The following CDH8 variants were observed in gnomAD, a reference collection of about 807,000 sequenced individuals.
CDH8 encodes cadherin-8.
Under a neutral mutation model 68.1 loss-of-function variants are expected in CDH8, and 17 were observed. The ratio of observed to expected loss-of-function variants is 0.25; its 90% CI spans 0.17 to 0.37. CDH8 has a LOEUF of 0.37. Among genes scored for constraint, CDH8 ranks in the 10% least tolerant of loss-of-function variants. The pLI, the probability that CDH8 is intolerant of heterozygous loss-of-function variation, is 1.00. For synonymous variants in CDH8, 372 were observed against 365.1 expected (o/e 1.02, Z -0.21); for missense variants, 763 against 999.3 (o/e 0.76, Z 3.19).
chr16:61,811,160 A>G (rs1961939397), intron 7 of CDH8, among the ~76,000 whole-genome samples: 1 of 152,148 alleles, frequency 6.6e-6, no homozygotes, highest in Non-Finnish European at 1.5e-5. Flanking sequence ...TCTTGACAAA[A>G]TGTAGGTTCA....
At chr16:61,911,935 G>T (rs896480112) in intron 2 of CDH8, among the ~76,000 whole-genome samples, 1 of 152,070 alleles carries the variant, frequency 6.6e-6, no homozygotes, top group Non-Finnish European at 1.5e-5. Context: ...CTGTCAAAAA[G>T]TGTGAAATCC....
chr16:61,947,374 C>A (rs779642113), intron 2 of CDH8, among the ~76,000 whole-genome samples: 9 of 152,170 alleles, frequency 5.9e-5, no homozygotes, highest in Non-Finnish European at 1.2e-4. Context: ...CTATACCATT[C>A]AGGGATAGAT....
intron 2 of CDH8, among the ~76,000 whole-genome samples, chr16:62,001,578 C>T (rs979956256): frequency 2.0e-5 from 3 of 152,186 alleles, no homozygotes; most frequent in African/African-American, 7.2e-5. Context: ...TAGCGATCTT[C>T]TCCCTTCCTG....
chr16:61,784,507 T>G (rs1448138470), intron 8 of CDH8, among the ~76,000 whole-genome samples: 1 of 147,574 alleles, frequency 6.8e-6, no homozygotes. Context: ...AACACCCCAC[T>G]GTCAACATTA....
chr16:61,949,337 C>G (rs1212794342), intron 2 of CDH8, among the ~76,000 whole-genome samples: 1 of 152,034 alleles, frequency 6.6e-6, no homozygotes, highest in Non-Finnish European at 1.5e-5. Flanking sequence ...GTAAATGCAC[C>G]AATCAGCACT....
At chr16:62,019,345 A>G (rs1053716193) in intron 2 of CDH8, among the ~76,000 whole-genome samples, 16 of 152,338 alleles carry the variant, frequency 1.1e-4, no homozygotes, top group African/African-American at 3.6e-4. Context: ...AACAGGATTC[A>G]AACTCAGGCA....
chr16:61,989,555 T>G (rs1965682848), intron 2 of CDH8, among the ~76,000 whole-genome samples: 1 of 152,210 alleles, frequency 6.6e-6, no homozygotes, highest in Non-Finnish European at 1.5e-5. Flanking sequence ...TCAAGTCTCC[T>G]GGAACATGTT....
intron 8 of CDH8, among the ~76,000 whole-genome samples, chr16:61,762,240 G>T (rs1583000): frequency 0.13 from 20,413 of 152,000 alleles, 1,709 homozygotes; most frequent in Middle Eastern, 0.21. Flanking sequence ...GGACAATTGG[G>T]GCTATCTGAA....
intron 8 of CDH8, among the ~76,000 whole-genome samples, chr16:61,738,712 G>A (rs971162634): frequency 7.2e-5 from 11 of 152,054 alleles, no homozygotes; most frequent in East Asian, 1.9e-4. Flanking sequence ...TTTATAATGC[G>A]TCCTACTTTT....
intron 2 of CDH8, among the ~76,000 whole-genome samples, chr16:62,018,624 T>C (rs1187035276): frequency 6.6e-6 from 1 of 152,216 alleles, no homozygotes; most frequent in Non-Finnish European, 1.5e-5. Flanking sequence ...ACTGTCATAA[T>C]TCAGGAGCAT....
intron 10 of CDH8, among the ~76,000 whole-genome samples, chr16:61,687,429 A>G (rs2142820680): frequency 6.6e-6 from 1 of 152,100 alleles, no homozygotes; most frequent in Admixed American, 6.6e-5. Context: ...CTACTTTTCT[A>G]AAAGCCATTC....
intron 10 of CDH8, among the ~76,000 whole-genome samples, chr16:61,711,445 T>G (rs2142865520): frequency 6.6e-6 from 1 of 152,016 alleles, no homozygotes; most frequent in Non-Finnish European, 1.5e-5. Context: ...TAACTCATAC[T>G]GCTCTCAGTA....
intron 7 of CDH8, among the ~76,000 whole-genome samples, chr16:61,792,572 T>G (rs1048926393): frequency 6.6e-6 from 1 of 152,012 alleles, no homozygotes; most frequent in African/African-American, 2.4e-5. Context: ...CCTTCTTTTC[T>G]TGGTTTCTTA....
At chr16:61,867,938 C>T (rs1231121998) in intron 3 of CDH8, among the ~76,000 whole-genome samples, 1 of 152,158 alleles carries the variant, frequency 6.6e-6, no homozygotes, top group Non-Finnish European at 1.5e-5. Context: ...CTTATTCTCT[C>T]AACTTTCCCC....
chr16:61,979,176 C>A (rs1392098037), intron 2 of CDH8, among the ~76,000 whole-genome samples: 2 of 151,980 alleles, frequency 1.3e-5, no homozygotes. Flanking sequence ...TGGCTACTGA[C>A]AATGCACATT....
intron 8 of CDH8, among the ~76,000 whole-genome samples, chr16:61,738,819 G>A (rs1005399936): frequency 6.6e-6 from 1 of 152,070 alleles, no homozygotes; most frequent in African/African-American, 2.4e-5. Flanking sequence ...GCGTGTGTAT[G>A]TGTGTGTGCA....
chr16:61,810,152 T>G (rs747954913), intron 7 of CDH8, among the ~76,000 whole-genome samples: 1 of 152,188 alleles, frequency 6.6e-6, no homozygotes, highest in Non-Finnish European at 1.5e-5. Flanking sequence ...ACCCCTTAGT[T>G]ATGAATCAGT....
chr16:61,790,206 G>T (rs900380294), intron 7 of CDH8, among the ~76,000 whole-genome samples: 2 of 151,928 alleles, frequency 1.3e-5, no homozygotes, highest in African/African-American at 4.8e-5. Context: ...AAGCAAACTC[G>T]TTCAGATAAG....
In CDH8 at chr16:61,651,527, GT is replaced by G. The variant is rs1963323902; in HGVS notation, c.*2080del. 6.6e-6 allele frequency: 1 copy of G among 152,098 alleles called. No homozygotes were observed. The highest frequency in any genetic ancestry group is 2.4e-5 in the African/African-American group (1 of 41,414). 9.4% of individuals were successfully genotyped at this position (152,098 alleles called of 1,614,324 possible). On this transcript the variant is annotated 3_prime_UTR_variant, in exon 12 of 12. Coordinates refer to ENST00000577390, the MANE Select transcript of CDH8 (RefSeq NM_001796.5). ...GCGTTCAGCTTTTGAGTCAAAAACC[GT>G]TCTCTTCTTAGCAGCCCCGCACCAA...
Sources: allele counts gnomAD v4.1 joint callset (sites outside exome capture counted in the v4.1 genomes callset), GRCh38; gene constraint gnomAD v4.1.1; transcripts MANE v1.5; gene names NCBI Gene and HGNC (gene_info 2026-07-23, HGNC 2026-07-21).